The following RBFOX2 variants were observed in gnomAD, a reference collection of about 807,000 sequenced individuals.
RBFOX2 encodes RNA binding protein fox-1 homolog 2.
A neutral mutation model predicts 49.1 loss-of-function variants in RBFOX2; 10 were observed. The observed-to-expected ratio is 0.20, with a 90% confidence interval of 0.13 to 0.35. RBFOX2 has a LOEUF of 0.35. Among genes scored for constraint, RBFOX2 ranks in the 10% least tolerant of loss-of-function variants. The probability of loss-of-function intolerance (pLI) is 1.00; values close to 1 mark genes in which losing one functional copy is unlikely to be tolerated. For missense variants in RBFOX2, 323 were observed against 486.9 expected (o/e 0.66, Z 3.17); for synonymous variants, 183 against 187.4 (o/e 0.98, Z 0.19).
At position 35,983,306 on chromosome 22, in the gene RBFOX2, G is replaced by C. The variant is rs532208326; in HGVS notation, c.187-44409C>G. On this transcript the variant is annotated intron_variant, in intron 1 of 13. Transcript: ENST00000438146. The stretch of plus-strand genomic sequence containing the variant: ...ACCAGCTACTACCCGCCCCCTACCA[G>C]GGGCATCTGCTCTTGAACCTTCCTT... 5.3e-5 allele frequency among the ~76,000 whole-genome samples: 8 copies of C among 152,230 alleles called. No homozygotes were observed. In the South Asian group the frequency reaches 1.5e-3, roughly 28 times the overall value.
chr22:35,948,142 T>C (rs1161709484), intron 1 of RBFOX2, among the ~76,000 whole-genome samples: 4 of 152,226 alleles, frequency 2.6e-5, no homozygotes, highest in Non-Finnish European at 4.4e-5. Flanking sequence ...AGATACATTG[T>C]GTTACAACTG....
At chr22:35,806,126 T>C (rs1034877344) in intron 2 of RBFOX2, among the ~76,000 whole-genome samples, 7 of 152,140 alleles carry the variant, frequency 4.6e-5, no homozygotes, top group African/African-American at 7.2e-5. Flanking sequence ...TAACAGACTT[T>C]AGGTGATAAA....
Position 35,749,757 on chromosome 22 carries a change from C to T in RBFOX2, c.888-3196G>A, listed in dbSNP as rs888292400. ...GTTTGAAACACCAAGGTTTTCATTACTGTTTCTTAAGTTTTTCAAAAAGAA... is the reference window on the plus strand; with the variant it reads ...GTTTGAAACACCAAGGTTTTCATTATTGTTTCTTAAGTTTTTCAAAAAGAA... On this transcript the variant is annotated intron_variant, in intron 9 of 11. Coordinates refer to ENST00000405409, the Ensembl canonical transcript of RBFOX2. This position sits in a 1 kb window ranked among gnomAD's most constrained non-coding sequence, Gnocchi z 4.1. Among the ~76,000 whole-genome samples the T allele has an allele frequency of 1.3e-5, 2 of 152,232 alleles. No individual in the cohort carries two copies. The highest frequency in any genetic ancestry group is 6.5e-5 in the Admixed American group (1 of 15,292).
At chr22:35,787,706 A>G (rs1465190922) in intron 2 of RBFOX2, among the ~76,000 whole-genome samples, 1 of 152,218 alleles carries the variant, frequency 6.6e-6, no homozygotes. Context: ...TTGATCTAAG[A>G]AAAATCTCAG....
intron 1 of RBFOX2, among the ~76,000 whole-genome samples, chr22:35,954,930 GT>G (rs2055378507): frequency 6.6e-6 from 1 of 152,192 alleles, no homozygotes; most frequent in African/African-American, 2.4e-5. Context: ...CTCACAGTAG[GT>G]AAGACTTGAA....
chr22:35,948,110 T>A (rs903362961), intron 1 of RBFOX2, among the ~76,000 whole-genome samples: 3 of 152,222 alleles, frequency 2.0e-5, no homozygotes, highest in African/African-American at 4.8e-5. Context: ...ATTAGATACA[T>A]TAGATACATG....
chr22:35,961,716 A>T, upstream of RBFOX2: 1 of 1,282,312 alleles, frequency 7.8e-7, no homozygotes, highest in Non-Finnish European at 1.0e-6. Context: ...TTCATGGAGC[A>T]GGATACACAA....
intron 1 of RBFOX2, 37 bp downstream of exon 1, chr22:36,028,201 ACC>A (rs1450060718): frequency 7.0e-7 from 1 of 1,430,408 alleles, no homozygotes; most frequent in Non-Finnish European, 9.1e-7. Context: ...CCTCACGCCC[ACC>A]CCCGCAATAA....
intron 2 of RBFOX2, among the ~76,000 whole-genome samples, chr22:35,783,165 T>C (rs140369647): frequency 2.6e-4 from 39 of 152,254 alleles, no homozygotes; most frequent in African/African-American, 9.1e-4. Context: ...TGCTGCAGCA[T>C]CCTCAGCACC....
intron 1 of RBFOX2, among the ~76,000 whole-genome samples, chr22:36,007,695 C>T (rs778197354): frequency 1.3e-5 from 2 of 152,082 alleles, no homozygotes; most frequent in African/African-American, 4.8e-5. Context: ...AGGAGGCAAC[C>T]GCTGGGGAGT....
chr22:35,863,844 C>T (rs2043370274), intron 1 of RBFOX2, among the ~76,000 whole-genome samples: 1 of 152,198 alleles, frequency 6.6e-6, no homozygotes, highest in South Asian at 2.1e-4. Context: ...TTCTGTGCAG[C>T]TCTGATATGG....
chr22:35,889,660 T>C (rs1168845301), intron 1 of RBFOX2, among the ~76,000 whole-genome samples: 3 of 152,138 alleles, frequency 2.0e-5, no homozygotes, highest in Non-Finnish European at 2.9e-5. Context: ...CAATCCTACT[T>C]AGAATCTTTT....
intron 2 of RBFOX2, among the ~76,000 whole-genome samples, chr22:35,786,479 C>T (rs963742952): frequency 9.2e-5 from 14 of 152,098 alleles, no homozygotes; most frequent in Non-Finnish European, 1.8e-4. Flanking sequence ...CACAATGAAA[C>T]GTACACCCAT....
At chr22:35,839,979 T>C (rs1958432648) in intron 1 of RBFOX2, among the ~76,000 whole-genome samples, 1 of 152,192 alleles carries the variant, frequency 6.6e-6, no homozygotes, top group Non-Finnish European at 1.5e-5. Context: ...GAATCTGCTA[T>C]GGAGTTGAGG....
At chr22:35,992,078 C>T (rs2058006605) in intron 1 of RBFOX2, among the ~76,000 whole-genome samples, 1 of 152,084 alleles carries the variant, frequency 6.6e-6, no homozygotes, top group African/African-American at 2.4e-5. Context: ...TATTAAACAG[C>T]AAAGTCAATA....
At chr22:35,944,002 T>G (rs1037172299) in intron 1 of RBFOX2, among the ~76,000 whole-genome samples, 1 of 152,244 alleles carries the variant, frequency 6.6e-6, no homozygotes, top group African/African-American at 2.4e-5. Flanking sequence ...TATATTCTTC[T>G]TTGGCTGCTT....
intron 1 of RBFOX2, among the ~76,000 whole-genome samples, chr22:35,920,140 C>T (rs866494497): frequency 1.3e-5 from 2 of 152,152 alleles, no homozygotes; most frequent in Non-Finnish European, 2.9e-5. Flanking sequence ...AGCATTTGGC[C>T]AAGTTACTTT....
At chr22:35,966,193 G>A (rs1397045972), upstream of RBFOX2, among the ~76,000 whole-genome samples, 4 of 152,172 alleles carry the variant, frequency 2.6e-5, no homozygotes, top group East Asian at 5.8e-4. Context: ...TGATCCATCT[G>A]TTGAGTGTAT....
chr22:36,026,566 A>G (rs2059446998), intron 1 of RBFOX2, among the ~76,000 whole-genome samples: 1 of 151,924 alleles, frequency 6.6e-6, no homozygotes, highest in African/African-American at 2.4e-5. Flanking sequence ...ACACACACAC[A>G]CACACACCAA....
Sources: gnomAD v4.1 joint callset for allele counts (sites outside exome capture counted in the v4.1 genomes callset) on GRCh38, gnomAD v4.1.1 for gene constraint, Gnocchi (gnomAD v3.1) non-coding constraint, MANE v1.5 for transcripts, NCBI Gene and HGNC (gene_info 2026-07-23, HGNC 2026-07-21) for gene names.